The following NBAS variants were observed in gnomAD, a reference collection of about 807,000 sequenced individuals.
The protein encoded by NBAS is NBAS subunit of NRZ tethering complex, also known as NAG/BC035112 fusion.
NBAS carries 219 observed loss-of-function variants against 302.5 expected under a neutral mutation model. The observed-to-expected ratio is 0.72, with a 90% CI of 0.65 to 0.81. The LOEUF (loss-of-function observed/expected upper bound fraction) is 0.81. Ranked by LOEUF, NBAS falls within the 30% of genes least tolerant of loss-of-function variation. The pLI, the probability that NBAS is intolerant of heterozygous loss-of-function variation, is 0.00. For synonymous variants in NBAS, 1,118 were observed against 1,021.6 expected (o/e 1.09, Z -1.80); for missense variants, 2,932 against 2,841.6 (o/e 1.03, Z -0.72).
intron 46 of NBAS, among the ~76,000 whole-genome samples, chr2:15,233,115 T>C (rs555023516): frequency 3.3e-5 from 5 of 152,236 alleles, no homozygotes; most frequent in Non-Finnish European, 7.4e-5. Flanking sequence ...GTTCCTTTCA[T>C]GTCTTTGTTA....
chr2:15,334,273 T>A (rs1475394508), intron 35 of NBAS, among the ~76,000 whole-genome samples: 1 of 151,706 alleles, frequency 6.6e-6, no homozygotes, highest in African/African-American at 2.4e-5. Flanking sequence ...CACTGCAATC[T>A]CCGCCTCCCA....
the NBAS span, among the ~76,000 whole-genome samples, chr2:14,970,629 AGGACTCTAACACCCTG>A: frequency 1.3e-5 from 2 of 152,210 alleles, no homozygotes; most frequent in African/African-American, 4.8e-5. Flanking sequence ...TCTGCATTAG[AGGACTCTAACACCCTG>A]GGAACATTCT....
the NBAS span, among the ~76,000 whole-genome samples, chr2:14,813,225 G>A: frequency 9.3e-4 from 141 of 152,302 alleles, no homozygotes; most frequent in South Asian, 6.2e-4. Context: ...ACCTGAAAAT[G>A]TGGAAGCAAC....
chr2:15,297,083 G>A (rs540614152), intron 40 of NBAS, among the ~76,000 whole-genome samples: 1 of 152,266 alleles, frequency 6.6e-6, no homozygotes, highest in Middle Eastern at 3.4e-3. Context: ...CACGCCTACT[G>A]CTAAAACATG....
At chr2:15,113,794 G>A in the NBAS span, among the ~76,000 whole-genome samples, 2 of 151,338 alleles carry the variant, frequency 1.3e-5, no homozygotes, top group African/African-American at 2.4e-5. Context: ...GCACCTCCAG[G>A]AAACTAACTA....
the NBAS span, among the ~76,000 whole-genome samples, chr2:14,976,240 T>A: frequency 6.6e-6 from 1 of 152,200 alleles, no homozygotes; most frequent in African/African-American, 2.4e-5. Flanking sequence ...TAAAGAATAG[T>A]AGTCTGGTTG....
chr2:15,534,178 G>A (rs886623761), intron 9 of NBAS, among the ~76,000 whole-genome samples: 6 of 152,076 alleles, frequency 3.9e-5, no homozygotes, highest in Admixed American at 2.0e-4. Context: ...AAGAAGGGAA[G>A]TAGCATCTAC....
At chr2:14,977,071 A>G in the NBAS span, among the ~76,000 whole-genome samples, 1 of 152,220 alleles carries the variant, frequency 6.6e-6, no homozygotes, top group African/African-American at 2.4e-5. Context: ...TCTAGTAAAT[A>G]TGCTACCCGC....
chr2:15,449,641 A>C (rs1488015858), intron 21 of NBAS, among the ~76,000 whole-genome samples: 1 of 152,160 alleles, frequency 6.6e-6, no homozygotes, highest in African/African-American at 2.4e-5. Context: ...CAAGATCTAA[A>C]GTGCCCACAG....
chr2:15,286,572 T>A (rs1254546511), intron 42 of NBAS, among the ~76,000 whole-genome samples: 1 of 152,218 alleles, frequency 6.6e-6, no homozygotes, highest in African/African-American at 2.4e-5. Flanking sequence ...CCTTTGAACT[T>A]ACTGTATTGT....
At chr2:14,860,231 G>A in the NBAS span, among the ~76,000 whole-genome samples, 4 of 152,060 alleles carry the variant, frequency 2.6e-5, no homozygotes, top group Non-Finnish European at 4.4e-5. Flanking sequence ...CATTGTTGAC[G>A]GGAATGTAAA....
chr2:15,198,867 C>T (rs951773378), intron 48 of NBAS, among the ~76,000 whole-genome samples: 4 of 152,136 alleles, frequency 2.6e-5, no homozygotes, highest in Non-Finnish European at 4.4e-5. Context: ...TGGCTCACGC[C>T]TGTAATCCCA....
At chr2:15,287,272 C>T in intron 41 of NBAS, 89 bp from the exon 42 acceptor site, 1 of 949,384 alleles carries the variant, frequency 1.1e-6, no homozygotes, top group Non-Finnish European at 1.7e-6. Flanking sequence ...GGACTGCTCT[C>T]CAGTGAGAGA....
rs2277916 is a variant in NBAS at position 15,354,028 on chromosome 2, C to T, written c.3932-318G>A. Among the ~76,000 whole-genome samples, 13 of 151,972 alleles carry T rather than the reference C, an allele frequency of 8.6e-5. 1 individual carries two copies. Among genetic ancestry groups the T allele is most frequent in the Non-Finnish European group, 5.9e-5 (4 of 68,006 alleles). On this transcript the variant is annotated intron_variant, in intron 33 of 51. Transcript: ENST00000281513. Reference sequence around the variant, plus strand: ...TGTGAAAAGGCAGCCATCTGAATTCCGAAGATCTGAGGGCCTGCTGCAACC... The same window carrying T: ...TGTGAAAAGGCAGCCATCTGAATTCTGAAGATCTGAGGGCCTGCTGCAACC...
At chr2:15,480,126 AG>A (rs1048234401) in intron 12 of NBAS, among the ~76,000 whole-genome samples, 1 of 152,164 alleles carries the variant, frequency 6.6e-6, no homozygotes, top group African/African-American at 2.4e-5. Context: ...GAGCTGCTTG[AG>A]GCTAGCAGTT....
chr2:15,105,099 TC>T, the NBAS span, among the ~76,000 whole-genome samples: 1 of 152,170 alleles, frequency 6.6e-6, no homozygotes, highest in Non-Finnish European at 1.5e-5. Context: ...TGAGGTCATG[TC>T]CTTTGCAGGG....
At chr2:14,786,549 A>G in the NBAS span, among the ~76,000 whole-genome samples, 1 of 152,126 alleles carries the variant, frequency 6.6e-6, no homozygotes, top group South Asian at 2.1e-4. Context: ...TTCAAAGAAC[A>G]TCTTTATTTC....
At chr2:15,195,986 C>T (rs1665602073) in intron 48 of NBAS, among the ~76,000 whole-genome samples, 1 of 152,190 alleles carries the variant, frequency 6.6e-6, no homozygotes, top group African/African-American at 2.4e-5. Flanking sequence ...CAGAAGCATG[C>T]CAATGTGTAA....
chr2:15,053,653 AC>A, the NBAS span, among the ~76,000 whole-genome samples: 4 of 151,734 alleles, frequency 2.6e-5, no homozygotes, highest in African/African-American at 9.7e-5. Context: ...TCCCCTGCAG[AC>A]CCGGGGGGAT....
Sources: gnomAD v4.1 joint callset for allele counts (sites outside exome capture counted in the v4.1 genomes callset) on GRCh38, gnomAD v4.1.1 for gene constraint, MANE v1.5 for transcripts, NCBI Gene and HGNC (gene_info 2026-07-23, HGNC 2026-07-21) for gene names.